Variants in NEB observed in about 807,000 individuals in gnomAD.
The protein encoded by NEB is nebulin.
In NEB, 512 loss-of-function variants were observed where a neutral mutation model predicts 952.2. That is an observed-to-expected ratio of 0.54 (90% CI 0.50 to 0.58). NEB has a LOEUF of 0.58. NEB is among the 20% of genes least tolerant of loss of function. The pLI is 0.00. For synonymous variants in NEB, 2,900 were observed against 3,149.8 expected (o/e 0.92, Z 2.66); for missense variants, 8,428 against 9,231.1 (o/e 0.91, Z 3.56).
intron 52 of NEB, among the ~76,000 whole-genome samples, 175 bp downstream of exon 52, chr2:151,653,817 T>C (rs2099057806): frequency 6.6e-6 from 1 of 152,158 alleles, no homozygotes; most frequent in African/African-American, 2.4e-5. Context: ...GAAGCCCTTT[T>C]GACATATGAA....
At chr2:151,487,151 T>C (rs2051345015) in intron 181 of NEB, among the ~76,000 whole-genome samples, 1 of 152,196 alleles carries the variant, frequency 6.6e-6, no homozygotes, top group Non-Finnish European at 1.5e-5. Context: ...GTCAGTCTTG[T>C]ATTTTAGAGA....
chr2:151,570,555 A>C lies in NEB; in HGVS notation c.17060T>G (p.Val5687Gly). The change falls in exon 108 of 182, where the codon GTC becomes GGC. Residue 5687 changes from valine (V) to glycine (G), a missense_variant. Coordinates refer to ENST00000397345, the MANE Select transcript of NEB (RefSeq NM_001164508.2). ...CTGGATGGGGATGGCATCCAGCCGGACATCACAGCCCGCCTTCATTTCATC... is the reference window on the plus strand; with the variant it reads ...CTGGATGGGGATGGCATCCAGCCGGCCATCACAGCCCGCCTTCATTTCATC... ...GWDEMKAGCDVRLDAIPIQAA... is the reference protein window; with the variant it reads ...GWDEMKAGCDGRLDAIPIQAA... 1 of 1,609,578 alleles carries C rather than the reference A, an allele frequency of 6.2e-7. No homozygotes were observed. The highest frequency in any genetic ancestry group is 8.5e-7 in the Non-Finnish European group (1 of 1,178,068).
chr2:151,520,386 G>A (rs556470265), intron 153 of NEB, among the ~76,000 whole-genome samples: 90 of 152,128 alleles, frequency 5.9e-4, no homozygotes, highest in African/African-American at 2.1e-3. Flanking sequence ...AGATACTTCA[G>A]AATAATGAGA....
rs2084263128 is a variant in NEB, at chr2:151,524,633, A to G, written c.22273-17T>C. On this transcript the variant is annotated splice_polypyrimidine_tract_variant and intron_variant, in intron 151 of 181. Coordinates refer to ENST00000397345, the MANE Select transcript of NEB (RefSeq NM_001164508.2). Reference sequence around the variant, plus strand: ...GTAAGCGACCTTTATTGGGGAAGAAAATGTTTACTCAAGAGAGAGGCTTTT... The same window carrying G: ...GTAAGCGACCTTTATTGGGGAAGAAGATGTTTACTCAAGAGAGAGGCTTTT... 1.5e-6 allele frequency: 2 copies of G among 1,376,308 alleles called. No individual in the cohort carries two copies. The highest frequency in any genetic ancestry group is 1.7e-5 in the Admixed American group (1 of 59,192). 85.3% of individuals were successfully genotyped at this position (1,376,308 alleles called of 1,614,324 possible).
intron 78 of NEB, among the ~76,000 whole-genome samples, 181 bp from the exon 79 acceptor site, chr2:151,611,047 C>G (rs192184171): frequency 1.4e-4 from 21 of 152,234 alleles, no homozygotes; most frequent in African/African-American, 4.6e-4. Flanking sequence ...TAAAACATAG[C>G]AATATTTAAA....
intron 54 of NEB, among the ~76,000 whole-genome samples, chr2:151,649,216 C>T (rs1162597301): frequency 2.0e-5 from 3 of 152,104 alleles, no homozygotes; most frequent in Non-Finnish European, 1.5e-5. Flanking sequence ...CTTAAACATT[C>T]ATAATGAAGC....
At chr2:151,511,445 A>G (rs2074254376) in intron 161 of NEB, among the ~76,000 whole-genome samples, 1 of 152,226 alleles carries the variant, frequency 6.6e-6, no homozygotes, top group Non-Finnish European at 1.5e-5. Context: ...CTGATTGGTC[A>G]TTAAGAGATC....
At chr2:151,699,028 A>C (rs1396893681) in intron 13 of NEB, among the ~76,000 whole-genome samples, 15 of 115,698 alleles carry the variant, frequency 1.3e-4, no homozygotes, top group Admixed American at 2.8e-4. Context: ...CCTCCCCACC[A>C]CAGTCCCCAG....
Position 151,710,544 on chromosome 2 carries a change from A to T in NEB, c.823-6T>A. On this transcript the variant is annotated splice_region_variant and splice_polypyrimidine_tract_variant and intron_variant, in intron 10 of 181. Transcript: ENST00000397345. Reference sequence around the variant, plus strand: ...TAGTCTTCTTTGTATTTTTGCTAGAAAAAAGAAAAAGAAAATAAGACAAGC... The same window carrying T: ...TAGTCTTCTTTGTATTTTTGCTAGATAAAAGAAAAAGAAAATAAGACAAGC... 1 of 1,520,438 alleles carries T rather than the reference A, an allele frequency of 6.6e-7. No homozygotes were observed. The highest frequency in any genetic ancestry group is 9.1e-7 in the Non-Finnish European group (1 of 1,104,076). The allele number at this position is 1,520,438 out of a possible 1,614,324, so 94.2% of individuals were successfully genotyped here.
chr2:151,505,667 A>C, intron 164 of NEB, 97 bp from the exon 165 acceptor site: 1 of 999,802 alleles, frequency 1.0e-6, no homozygotes, highest in Non-Finnish European at 1.6e-6. Context: ...CAAATTAAAA[A>C]AATTAACAGT....
Position 151,671,078 on chromosome 2 carries a change from A to T in NEB, c.4451T>A (p.Val1484Glu). The T allele has an allele frequency of 6.2e-7, 1 of 1,614,010 alleles. No homozygotes were observed. Among genetic ancestry groups the T allele is most frequent in the Non-Finnish European group, 8.5e-7 (1 of 1,179,890 alleles). The change falls in exon 38 of 182, where the codon GTG becomes GAG. Residue 1484 changes from valine (V) to glutamate (E), a missense_variant. Physicochemically the swap from Val to Glu is moderately radical, Grantham distance 121. Transcript: ENST00000397345. ...CAACACCATGCCCATGGAATCAGGC[A>T]CACTTGTGAACTTGACGGTATCTGG... ...QHPDTVKFTS[V>E]PDSMGMVLAQ... is the part of the protein sequence containing the mutation.
chr2:151,541,456 A>T lies in NEB; in HGVS notation c.20673T>A (p.Leu6891=), dbSNP rs751142187. The T allele has an allele frequency of 6.2e-7, 1 of 1,611,850 alleles. No individual in the cohort carries two copies. Among genetic ancestry groups the T allele is most frequent in the Non-Finnish European group, 8.5e-7 (1 of 1,178,708 alleles). Reference sequence around the variant, plus strand: ...GAACCTCTGAGCTTACCTGACTCTGAAGCTTCTGCCCTCGCTTGGCTCTTA... The same window carrying T: ...GAACCTCTGAGCTTACCTGACTCTGTAGCTTCTGCCCTCGCTTGGCTCTTA... ...DLLRAKRGQK[L]QSQYLYVELA... is the part of the protein sequence containing the mutation. Residue 6891 remains leucine, a synonymous_variant, in exon 136 of 182, where the codon CTT becomes CTA. Transcript: ENST00000397345.
chr2:151,500,231 A>AAGTT (rs1426883327), intron 168 of NEB, among the ~76,000 whole-genome samples: 29 of 152,308 alleles, frequency 1.9e-4, no homozygotes. Context: ...GGACCAAAGA[A>AAGTT]AGTTACTGAT....
intron 95 of NEB, among the ~76,000 whole-genome samples, chr2:151,591,758 C>T (rs1196708964): frequency 1.3e-5 from 2 of 152,300 alleles, no homozygotes; most frequent in East Asian, 1.9e-4. Flanking sequence ...ATGGATGGCC[C>T]ACTAAAACCT....
At chr2:151,644,235 G>T in intron 56 of NEB, 106 bp from the exon 57 acceptor site, 2 of 1,444,780 alleles carry the variant, frequency 1.4e-6, no homozygotes, top group Non-Finnish European at 1.9e-6. Context: ...TAAGCCTAGA[G>T]AGCCAAAGAC....
At chr2:151,664,101 T>C (rs980107115) in intron 44 of NEB, among the ~76,000 whole-genome samples, 12 of 151,824 alleles carry the variant, frequency 7.9e-5, no homozygotes, top group Non-Finnish European at 1.5e-4. Context: ...AATAAATTGG[T>C]TTAGAGAGAT....
At chr2:151,729,170 G>A (rs1269162008) in intron 4 of NEB, among the ~76,000 whole-genome samples, 1 of 152,114 alleles carries the variant, frequency 6.6e-6, no homozygotes, top group African/African-American at 2.4e-5. Flanking sequence ...CATCAGGGAC[G>A]AAGCCCTGGA....
intron 106 of NEB, 39 bp from the exon 107 acceptor site, chr2:151,575,838 T>C (rs1268283047): frequency 7.2e-7 from 1 of 1,380,334 alleles, no homozygotes; most frequent in Non-Finnish European, 1.0e-6. Flanking sequence ...TACTTCACAA[T>C]TTTCATGTTG....
At position 151,612,185 on chromosome 2, in the gene NEB, C is replaced by T; in HGVS notation, c.11805+1G>A. 1 of 1,612,806 alleles carries T rather than the reference C, an allele frequency of 6.2e-7. No homozygotes were observed. Among genetic ancestry groups the T allele is most frequent in the Non-Finnish European group, 8.5e-7 (1 of 1,179,098 alleles). On this transcript the variant is annotated splice_donor_variant, in intron 78 of 181. Coordinates refer to ENST00000397345, the MANE Select transcript of NEB (RefSeq NM_001164508.2). LOFTEE classifies it high-confidence loss of function. ...GCAACAGAAAACAGCTGGAGACTCA[C>T]CTTGCTCATTGTCAGGGCATTATTC...
Sources: gnomAD v4.1 joint callset for allele counts (sites outside exome capture counted in the v4.1 genomes callset) on GRCh38, gnomAD v4.1.1 for gene constraint, MANE v1.5 for transcripts, NCBI Gene and HGNC (gene_info 2026-07-23, HGNC 2026-07-21) for gene names.